GPC5: variants seen among roughly 807,000 people sequenced by gnomAD.
GPC5 encodes glypican-5.
In GPC5, 47 loss-of-function variants were observed where a neutral mutation model predicts 53.9. The observed-to-expected ratio is 0.87, with a 90% confidence interval of 0.69 to 1.11. The LOEUF is 1.11. Ranked by LOEUF, GPC5 falls within the 50% of genes most tolerant of loss-of-function variation. The pLI, the probability that GPC5 is intolerant of heterozygous loss-of-function variation, is 0.00. For missense variants in GPC5, 748 were observed against 713.1 expected, an observed-to-expected ratio of 1.05 and a Z score of -0.56; for synonymous variants, 286 against 263.3, an observed-to-expected ratio of 1.09 and a Z score of -0.84.
chr13:91,573,200 C>T (rs1375461564), intron 2 of GPC5, among the ~76,000 whole-genome samples: 2 of 152,154 alleles, frequency 1.3e-5, no homozygotes, highest in Admixed American at 6.6e-5. Flanking sequence ...AGAGCTGTCA[C>T]GAATTCATCT....
intron 7 of GPC5, among the ~76,000 whole-genome samples, chr13:92,285,026 T>C (rs987418268): frequency 6.6e-6 from 1 of 152,188 alleles, no homozygotes; most frequent in Non-Finnish European, 1.5e-5. Context: ...TTTACACTGA[T>C]AAGCAACTTC....
intron 5 of GPC5, among the ~76,000 whole-genome samples, chr13:91,780,564 C>G (rs1200024923): frequency 6.6e-6 from 1 of 152,076 alleles, no homozygotes; most frequent in Non-Finnish European, 1.5e-5. Context: ...AAACAATTAT[C>G]TGTTATTGTT....
intron 7 of GPC5, among the ~76,000 whole-genome samples, chr13:92,220,581 C>G (rs1211870395): frequency 6.6e-6 from 1 of 152,122 alleles, no homozygotes; most frequent in African/African-American, 2.4e-5. Context: ...ATACAGGCAA[C>G]AGGAAAGGCA....
chr13:92,622,950 G>A (rs1388102569), intron 7 of GPC5, among the ~76,000 whole-genome samples: 1 of 152,172 alleles, frequency 6.6e-6, no homozygotes, highest in Non-Finnish European at 1.5e-5. Flanking sequence ...TCTGAGGGAA[G>A]AAGAAAGGAA....
At chr13:92,829,323 TA>T (rs1877966504) in intron 7 of GPC5, among the ~76,000 whole-genome samples, 1 of 152,178 alleles carries the variant, frequency 6.6e-6, no homozygotes, top group South Asian at 2.1e-4. Context: ...GTTACTGCCA[TA>T]AAGGTGACAA....
At chr13:92,432,919 G>A (rs1405987831) in intron 7 of GPC5, among the ~76,000 whole-genome samples, 2 of 152,112 alleles carry the variant, frequency 1.3e-5, no homozygotes, top group Non-Finnish European at 2.9e-5. Context: ...TCATTAGTAT[G>A]AAGGAGATGT....
chr13:92,260,379 C>G (rs115193986), intron 7 of GPC5, among the ~76,000 whole-genome samples: 3 of 152,120 alleles, frequency 2.0e-5, no homozygotes, highest in Non-Finnish European at 4.4e-5. Flanking sequence ...ATTCCTCAGC[C>G]GAAAACAAGG....
At chr13:91,571,435 A>G (rs1239028351) in intron 2 of GPC5, among the ~76,000 whole-genome samples, 1 of 152,078 alleles carries the variant, frequency 6.6e-6, no homozygotes, top group African/African-American at 2.4e-5. Flanking sequence ...TGTCTTGCCA[A>G]GTAAGGATGC....
At chr13:91,970,438 C>G (rs188439675) in intron 6 of GPC5, among the ~76,000 whole-genome samples, 2 of 151,892 alleles carry the variant, frequency 1.3e-5, no homozygotes, top group Admixed American at 6.6e-5. Context: ...TTGCCCCCCC[C>G]TCACACATAC....
intron 6 of GPC5, among the ~76,000 whole-genome samples, chr13:92,092,483 A>G (rs2041388841): frequency 6.6e-6 from 1 of 152,206 alleles, no homozygotes; most frequent in African/African-American, 2.4e-5. Context: ...ATGCCACTGG[A>G]CAACATTGAA....
chr13:92,673,719 T>C (rs917023825), intron 7 of GPC5, among the ~76,000 whole-genome samples: 16 of 152,184 alleles, frequency 1.1e-4, no homozygotes, highest in African/African-American at 3.9e-4. Flanking sequence ...TATGTGAAAG[T>C]AATGAGAATT....
chr13:91,556,220 C>T (rs1364819622), intron 2 of GPC5, among the ~76,000 whole-genome samples: 1 of 151,890 alleles, frequency 6.6e-6, no homozygotes, highest in African/African-American at 2.4e-5. Context: ...GCATAATTCC[C>T]TTGAGATTCA....
chr13:91,977,659 A>T (rs577660399), intron 6 of GPC5, among the ~76,000 whole-genome samples: 1 of 152,010 alleles, frequency 6.6e-6, no homozygotes, highest in East Asian at 1.9e-4. Context: ...CAGATTAAAA[A>T]CTCCCTTGTT....
At chr13:92,474,482 A>C (rs775391676) in intron 7 of GPC5, among the ~76,000 whole-genome samples, 2 of 152,026 alleles carry the variant, frequency 1.3e-5, no homozygotes, top group Non-Finnish European at 2.9e-5. Flanking sequence ...ATTATGACCT[A>C]CTGAGCAAGG....
intron 3 of GPC5, among the ~76,000 whole-genome samples, chr13:91,703,466 G>A (rs2036035723): frequency 1.3e-5 from 2 of 152,146 alleles, no homozygotes; most frequent in South Asian, 2.1e-4. Context: ...TGTTAAAGTG[G>A]TATATCATGT....
chr13:92,499,941 C>T (rs1181721572), intron 7 of GPC5, among the ~76,000 whole-genome samples: 4 of 152,084 alleles, frequency 2.6e-5, no homozygotes, highest in Non-Finnish European at 5.9e-5. Context: ...AGCTATAAAA[C>T]CTGAACAGAA....
intron 6 of GPC5, among the ~76,000 whole-genome samples, chr13:92,008,747 C>T (rs1249477192): frequency 6.6e-6 from 1 of 152,054 alleles, no homozygotes; most frequent in Non-Finnish European, 1.5e-5. Flanking sequence ...TTTGACATTA[C>T]TTCTTGAAAT....
intron 7 of GPC5, among the ~76,000 whole-genome samples, chr13:92,598,359 T>A (rs962432410): frequency 1.3e-5 from 2 of 152,178 alleles, no homozygotes; most frequent in Admixed American, 6.5e-5. Flanking sequence ...CTCTCACTAA[T>A]TTTTCATGTG....
At chr13:92,700,811 C>G (rs535380750) in intron 7 of GPC5, among the ~76,000 whole-genome samples, 1 of 152,166 alleles carries the variant, frequency 6.6e-6, no homozygotes, top group East Asian at 1.9e-4. Context: ...GAAAATTAGG[C>G]ACTGTTTTGC....
Sources: gnomAD v4.1 joint callset for allele counts (sites outside exome capture counted in the v4.1 genomes callset) on GRCh38, gnomAD v4.1.1 for gene constraint, MANE v1.5 for transcripts, NCBI Gene and HGNC (gene_info 2026-07-23, HGNC 2026-07-21) for gene names.